APLF: variants seen among roughly 807,000 people sequenced by gnomAD.
APLF encodes aprataxin and PNK-like factor.
APLF carries 61 observed loss-of-function variants against 55.6 expected under a neutral mutation model. The observed-to-expected ratio is 1.10, with a 90% CI of 0.89 to 1.36. The LOEUF (loss-of-function observed/expected upper bound fraction) is 1.36. Ranked by LOEUF, APLF falls within the 40% of genes most tolerant of loss-of-function variation. The pLI is 0.00. For synonymous variants in APLF, 207 were observed against 214.8 expected (o/e 0.96, Z 0.32); for missense variants, 611 against 602.5 (o/e 1.01, Z -0.15).
intron 7 of APLF, among the ~76,000 whole-genome samples, chr2:68,540,850 A>T (rs575483234): frequency 3.4e-4 from 51 of 152,108 alleles, no homozygotes; most frequent in African/African-American, 1.2e-3. Context: ...AGGACGTAGA[A>T]CTCTGAATAC....
intron 1 of APLF, among the ~76,000 whole-genome samples, chr2:68,480,493 G>A (rs962429488): frequency 6.6e-6 from 1 of 151,826 alleles, no homozygotes; most frequent in Non-Finnish European, 1.5e-5. Context: ...TTGTGGAGAT[G>A]AGGTTTCACC....
Position 68,513,530 on chromosome 2 carries a change from T to G in APLF, c.490-18T>G, listed in dbSNP as rs1056135522. ...AAGATGTGTGATTATTTTTAGTAAT[T>G]TATAGGTGTCTTTTTAGTCTTTCCT... On this transcript the variant is annotated intron_variant, in intron 4 of 9. Transcript: ENST00000303795. The G allele has an allele frequency of 6.2e-7, 1 of 1,607,580 alleles. No homozygotes were observed. Among genetic ancestry groups the G allele is most frequent in the Non-Finnish European group, 8.5e-7 (1 of 1,176,902 alleles).
At chr2:68,473,012 T>A (rs977372170) in intron 1 of APLF, among the ~76,000 whole-genome samples, 1 of 152,180 alleles carries the variant, frequency 6.6e-6, no homozygotes, top group Non-Finnish European at 1.5e-5. Flanking sequence ...TGAATCCACA[T>A]TGACATGTCA....
chr2:68,517,756 GT>G (rs928727476), intron 5 of APLF, among the ~76,000 whole-genome samples: 3 of 142,948 alleles, frequency 2.1e-5, no homozygotes, highest in African/African-American at 7.6e-5. Context: ...AATATCTACT[GT>G]TAATATATAA....
intron 5 of APLF, among the ~76,000 whole-genome samples, chr2:68,514,885 A>T (rs1558537656): frequency 6.6e-6 from 1 of 151,654 alleles, no homozygotes; most frequent in Non-Finnish European, 1.5e-5. Flanking sequence ...TTTGAAAAAT[A>T]TTTTTTTCCT....
intron 8 of APLF, among the ~76,000 whole-genome samples, chr2:68,550,439 C>T (rs2104027329): frequency 6.6e-6 from 1 of 152,178 alleles, no homozygotes; most frequent in East Asian, 1.9e-4. Context: ...ACTATGTTGG[C>T]CAGGCTGGTC....
In APLF at chr2:68,471,339, G is replaced by A. The variant is rs76332146; in HGVS notation, c.96+3512G>A. On this transcript the variant is annotated intron_variant, in intron 1 of 9. Transcript: ENST00000303795. Reference sequence around the variant, plus strand: ...TTCCTGTTTTGTTGATTGATAATTCGCTAAATTCAGGAAATAGCTGATAAA... The same window carrying A: ...TTCCTGTTTTGTTGATTGATAATTCACTAAATTCAGGAAATAGCTGATAAA... Among the ~76,000 whole-genome samples, 324 of 152,232 alleles carry A rather than the reference G, an allele frequency of 2.1e-3. 1 individual carries two copies. The highest frequency in any genetic ancestry group is 7.2e-3 in the African/African-American group (300 of 41,538).
chr2:68,537,880 A>G lies in APLF; in HGVS notation c.813A>G (p.Pro271=). The G allele has an allele frequency of 1.3e-6, 2 of 1,560,892 alleles. No homozygotes were observed. The highest frequency in any genetic ancestry group is 1.7e-6 in the Non-Finnish European group (2 of 1,155,074). Residue 271 remains proline (P), a synonymous_variant, in exon 7 of 10, where the codon CCA becomes CCG. Transcript: ENST00000303795. ...TCATATTTGTTTTACAGGAAATGCC[A>G]CAATCATTTTCTGCAATCACATTAA... ...EESTISSKEM[P]QSFSAITLSN... is the part of the protein sequence containing the mutation.
intron 8 of APLF, among the ~76,000 whole-genome samples, chr2:68,553,514 G>A (rs1670922736): frequency 6.6e-6 from 1 of 152,016 alleles, no homozygotes; most frequent in African/African-American, 2.4e-5. Context: ...TTTAGTGCTA[G>A]AAAATATGCC....
rs370677498 is a variant in APLF at position 68,479,376 on chromosome 2, A to C, written c.97-10814A>C. 2.6e-5 allele frequency among the ~76,000 whole-genome samples: 4 copies of C among 152,270 alleles called. No homozygotes were observed. The East Asian group carries it at 5.8e-4, about 22-fold the overall frequency. On this transcript the variant is annotated intron_variant, in intron 1 of 9. Coordinates refer to ENST00000303795, the MANE Select transcript of APLF (RefSeq NM_173545.3). ...GCATGACTTCACAGGTTTTATGACA[A>C]AGCCAATCAAATAAATTATGGAAGA...
intron 1 of APLF, among the ~76,000 whole-genome samples, chr2:68,468,300 ATTTCT>A (rs1355856372): frequency 5.9e-5 from 9 of 152,292 alleles, no homozygotes; most frequent in African/African-American, 2.2e-4. Context: ...TTCTAGGCTA[ATTTCT>A]TTTAACCTTT....
At chr2:68,514,804 T>A (rs1669532857) in intron 5 of APLF, among the ~76,000 whole-genome samples, 2 of 151,810 alleles carry the variant, frequency 1.3e-5, no homozygotes, top group Non-Finnish European at 2.9e-5. Context: ...CTTTATAGAT[T>A]ATAGTTAATT....
chr2:68,470,648 C>A (rs920368917), intron 1 of APLF, among the ~76,000 whole-genome samples: 4 of 152,160 alleles, frequency 2.6e-5, no homozygotes, highest in African/African-American at 4.8e-5. Context: ...TAAATGAAAT[C>A]TACTATTTCT....
chr2:68,572,063 A>G (rs150967295), intron 9 of APLF, among the ~76,000 whole-genome samples: 3 of 146,016 alleles, frequency 2.1e-5, no homozygotes, highest in Non-Finnish European at 4.5e-5. Flanking sequence ...TTTTTTATTC[A>G]GAAGTTGAAA....
At chr2:68,474,718 G>C (rs763354286) in intron 1 of APLF, among the ~76,000 whole-genome samples, 1 of 152,136 alleles carries the variant, frequency 6.6e-6, no homozygotes, top group Non-Finnish European at 1.5e-5. Flanking sequence ...GCCCAGGCTG[G>C]AGTTCAATGG....
chr2:68,503,798 T>C (rs1312973916), intron 3 of APLF, among the ~76,000 whole-genome samples: 2 of 151,664 alleles, frequency 1.3e-5, no homozygotes, highest in African/African-American at 2.4e-5. Flanking sequence ...TTTAGGAGGA[T>C]AGACAAAAAG....
chr2:68,577,769 C>T (rs1671661371), intron 9 of APLF, 51 bp from the exon 10 acceptor site: 3 of 1,591,836 alleles, frequency 1.9e-6, no homozygotes, highest in Non-Finnish European at 2.6e-6. Flanking sequence ...TGTCTGTCAT[C>T]CCAGGTTGAG....
In APLF at chr2:68,470,162, G is replaced by C. The variant is rs556514840; in HGVS notation, c.96+2335G>C. Among the ~76,000 whole-genome samples, 3 of 152,298 alleles carry C rather than the reference G, an allele frequency of 2.0e-5. No homozygotes were observed. In the South Asian group the frequency reaches 6.2e-4, roughly 32 times the overall value. ...TTGGCATCAGTTAGAAGGTTTTACAGCAGGATTAATCTTCAGAGAACTTGA... is the reference window on the plus strand; with the variant it reads ...TTGGCATCAGTTAGAAGGTTTTACACCAGGATTAATCTTCAGAGAACTTGA... On this transcript the variant is annotated intron_variant, in intron 1 of 9. Transcript: ENST00000303795.
intron 1 of APLF, among the ~76,000 whole-genome samples, chr2:68,471,330 T>G (rs1479766347): frequency 7.2e-5 from 11 of 152,206 alleles, no homozygotes; most frequent in Admixed American, 7.2e-4. Flanking sequence ...TTTTGTTGAT[T>G]GATAATTCGC....
Sources: gnomAD v4.1 joint callset for allele counts (sites outside exome capture counted in the v4.1 genomes callset) on GRCh38, gnomAD v4.1.1 for gene constraint, MANE v1.5 for transcripts, NCBI Gene and HGNC (gene_info 2026-07-23, HGNC 2026-07-21) for gene names.